Variants in EXOC6B observed in about 807,000 individuals in gnomAD.
The protein encoded by EXOC6B is SEC15 homolog B.
A neutral mutation model predicts 113.5 loss-of-function variants in EXOC6B; 54 were observed. The ratio of observed to expected loss-of-function variants is 0.48; its 90% CI spans 0.38 to 0.60. The LOEUF is 0.60. Ranked by LOEUF, EXOC6B falls within the 20% of genes least tolerant of loss-of-function variation. The probability of loss-of-function intolerance (pLI) is 0.00; values close to 1 mark genes in which losing one functional copy is unlikely to be tolerated. For synonymous variants in EXOC6B, 357 were observed against 339.0 expected (o/e 1.05, Z -0.58); for missense variants, 797 against 977.5 (o/e 0.82, Z 2.46).
In EXOC6B at chr2:72,741,287, T is replaced by C; in HGVS notation, c.279+17A>G. 6.2e-7 allele frequency: 1 copy of C among 1,609,112 alleles called. No homozygotes were observed. Among genetic ancestry groups the C allele is most frequent in the Non-Finnish European group, 8.5e-7 (1 of 1,178,292 alleles). ...CAACACAGGACGGAGAAACAGTATCTCTTAGAGCCTTCTTACTTTGAGTTT... is the reference window on the plus strand; with the variant it reads ...CAACACAGGACGGAGAAACAGTATCCCTTAGAGCCTTCTTACTTTGAGTTT... On this transcript the variant is annotated intron_variant, in intron 2 of 21. Coordinates refer to ENST00000272427, the MANE Select transcript of EXOC6B (RefSeq NM_015189.3).
intron 1 of EXOC6B, among the ~76,000 whole-genome samples, chr2:72,775,392 C>T (rs533113624): frequency 6.6e-6 from 1 of 152,266 alleles, no homozygotes; most frequent in African/African-American, 2.4e-5. Flanking sequence ...TTATGAATAA[C>T]AAAACATAAA....
chr2:72,357,782 T>G (rs1480486240), intron 19 of EXOC6B, among the ~76,000 whole-genome samples: 1 of 152,152 alleles, frequency 6.6e-6, no homozygotes, highest in Non-Finnish European at 1.5e-5. Flanking sequence ...CATTACCGCT[T>G]CTGTTTAGAC....
At chr2:72,762,339 A>T (rs1048460124) in intron 1 of EXOC6B, among the ~76,000 whole-genome samples, 2 of 152,132 alleles carry the variant, frequency 1.3e-5, no homozygotes, top group African/African-American at 4.8e-5. Flanking sequence ...ATGAAAAATA[A>T]AGGAATGTTC....
intron 1 of EXOC6B, among the ~76,000 whole-genome samples, chr2:72,768,241 A>C (rs1203996813): frequency 6.6e-6 from 1 of 151,538 alleles, no homozygotes; most frequent in Non-Finnish European, 1.5e-5. Flanking sequence ...TTTTCACATC[A>C]TGCAGCCTCT....
chr2:72,776,034 T>C (rs1683681717), intron 1 of EXOC6B, among the ~76,000 whole-genome samples: 1 of 152,208 alleles, frequency 6.6e-6, no homozygotes, highest in Non-Finnish European at 1.5e-5. Context: ...AGTCTCTCTC[T>C]AATTTCTTAT....
chr2:72,197,722 G>C (rs1679258893), intron 20 of EXOC6B, among the ~76,000 whole-genome samples: 1 of 152,082 alleles, frequency 6.6e-6, no homozygotes, highest in African/African-American at 2.4e-5. Context: ...TGTTGGAGGA[G>C]ACAAGGAAGA....
At chr2:72,428,310 G>T (rs1033887018) in intron 18 of EXOC6B, among the ~76,000 whole-genome samples, 4 of 152,212 alleles carry the variant, frequency 2.6e-5, no homozygotes, top group Non-Finnish European at 5.9e-5. Context: ...CCAGACCTGG[G>T]AGCTCCCAGA....
chr2:72,448,204 T>C (rs1002925064), intron 18 of EXOC6B, among the ~76,000 whole-genome samples: 2 of 152,180 alleles, frequency 1.3e-5, no homozygotes, highest in South Asian at 2.1e-4. Flanking sequence ...TCTTTACATA[T>C]ACTATACCCT....
Position 72,321,784 on chromosome 2 carries a change from A to C in EXOC6B, c.2196+13163T>G, listed in dbSNP as rs1687860983. On this transcript the variant is annotated intron_variant, in intron 20 of 21. Coordinates refer to ENST00000272427, the MANE Select transcript of EXOC6B (RefSeq NM_015189.3). ...CATAAAATAAATTTCTGATAAATGG[A>C]AATATTCTGTGATCTTGGTAGTGGT... is the stretch of plus-strand genomic sequence containing the variant. 2.6e-5 allele frequency among the ~76,000 whole-genome samples: 4 copies of C among 152,300 alleles called. No homozygotes were observed. In the South Asian group the frequency reaches 8.3e-4, roughly 32 times the overall value.
rs189814485 is a variant in EXOC6B, at chr2:72,267,917, G to A, written c.2196+67030C>T. 6.2e-3 allele frequency among the ~76,000 whole-genome samples: 944 copies of A among 152,106 alleles called. 25 individuals are homozygous for A. Among genetic ancestry groups the A allele is most frequent in the Admixed American group, 0.05 (756 of 15,248 alleles). ...CATTCTACTTCTAGGTATACTTCTA[G>A]GTAAAACTCCCCAAGAAACACTCAT... On this transcript the variant is annotated intron_variant, in intron 20 of 21. Coordinates refer to ENST00000272427, the MANE Select transcript of EXOC6B (RefSeq NM_015189.3).
chr2:72,705,849 A>C (rs1678831518), intron 6 of EXOC6B, among the ~76,000 whole-genome samples: 1 of 152,260 alleles, frequency 6.6e-6, no homozygotes, highest in East Asian at 1.9e-4. Flanking sequence ...TGAGATCTTA[A>C]ACAAGAGGGA....
chr2:72,379,714 T>A lies in EXOC6B; in HGVS notation c.2122+15A>T. 6.3e-7 allele frequency: 1 copy of A among 1,599,968 alleles called. No homozygotes were observed. ...CTGGTAAGATAAACAAGCACAGGGA[T>A]GGTCACTGTCTTACGTTCACATTCT... On this transcript the variant is annotated intron_variant, in intron 19 of 21. Coordinates refer to ENST00000272427, the MANE Select transcript of EXOC6B (RefSeq NM_015189.3).
chr2:72,358,031 G>T (rs1301420156), intron 19 of EXOC6B, among the ~76,000 whole-genome samples: 5 of 152,118 alleles, frequency 3.3e-5, no homozygotes, highest in African/African-American at 1.2e-4. Flanking sequence ...ACAGTTTCAG[G>T]CATCCACTGA....
At position 72,636,747 on chromosome 2, in the gene EXOC6B, T is replaced by TA. The variant is rs988120973; in HGVS notation, c.670-61080dup. 1.5e-3 allele frequency among the ~76,000 whole-genome samples: 233 copies of TA among 152,188 alleles called. 1 individual carries two copies. Among genetic ancestry groups the TA allele is most frequent in the African/African-American group, 5.5e-3 (229 of 41,532 alleles). ...GGTTAAAGGCTGAATATTTTCCACC[T>TA]AAGACAGGGAACAAAAAGATATGCA... On this transcript the variant is annotated intron_variant, in intron 6 of 21. Transcript: ENST00000272427.
At chr2:72,345,624 A>T (rs1689283218) in intron 19 of EXOC6B, among the ~76,000 whole-genome samples, 1 of 152,164 alleles carries the variant, frequency 6.6e-6, no homozygotes, top group Non-Finnish European at 1.5e-5. Context: ...ATTCTAGATA[A>T]GGGAAAATTA....
chr2:72,589,848 G>C (rs1705823010), intron 6 of EXOC6B, among the ~76,000 whole-genome samples: 2 of 151,724 alleles, frequency 1.3e-5, no homozygotes, highest in African/African-American at 2.4e-5. Context: ...AAAATGATGT[G>C]TTAGAAAGCC....
chr2:72,647,627 A>C (rs1351497864), intron 6 of EXOC6B, among the ~76,000 whole-genome samples: 3 of 152,298 alleles, frequency 2.0e-5, no homozygotes, highest in Admixed American at 6.5e-5. Flanking sequence ...ATAACACCAC[A>C]CATCTACAAC....
At chr2:72,256,985 A>G (rs1683390512) in intron 20 of EXOC6B, among the ~76,000 whole-genome samples, 2 of 152,200 alleles carry the variant, frequency 1.3e-5, no homozygotes, top group South Asian at 4.1e-4. Context: ...ATTTGGGCCT[A>G]AAGTAACCCT....
At chr2:72,820,299 A>G (rs1686508655) in intron 1 of EXOC6B, among the ~76,000 whole-genome samples, 1 of 152,170 alleles carries the variant, frequency 6.6e-6, no homozygotes, top group Non-Finnish European at 1.5e-5. Context: ...AAGCACCAAA[A>G]CAACAGCAGC....
Sources: allele counts gnomAD v4.1 joint callset (sites outside exome capture counted in the v4.1 genomes callset), GRCh38; gene constraint gnomAD v4.1.1; transcripts MANE v1.5; gene names NCBI Gene and HGNC (gene_info 2026-07-23, HGNC 2026-07-21).